MMAB: variants seen among roughly 807,000 people sequenced by gnomAD.
MMAB encodes metabolism of cobalamin associated B.
MMAB carries 17 observed loss-of-function variants against 30.6 expected under a neutral mutation model. The observed-to-expected ratio is 0.56, with a 90% CI of 0.38 to 0.83. MMAB has a LOEUF of 0.83. Among genes scored for constraint, MMAB ranks in the 40% least tolerant of loss-of-function variants. MMAB has a pLI of 0.00. For missense variants in MMAB, 311 were observed against 331.6 expected (o/e 0.94, Z 0.48); for synonymous variants, 134 against 138.6 (o/e 0.97, Z 0.23).
At chr12:109,568,918 T>C in intron 2 of MMAB, 55 bp from the exon 3 acceptor site, 1 of 1,255,036 alleles carries the variant, frequency 8.0e-7, no homozygotes, top group South Asian at 1.3e-5. Flanking sequence ...CCTGATATGC[T>C]GTTTTTTTTT....
chr12:109,570,381 C>T (rs907051278), intron 2 of MMAB, among the ~76,000 whole-genome samples: 19 of 152,216 alleles, frequency 1.2e-4, no homozygotes, highest in Non-Finnish European at 5.9e-5. Context: ...AAGTCCTTTC[C>T]AACATCCTCT....
intron 7 of MMAB, 149 bp from the exon 8 acceptor site, chr12:109,559,304 T>C: frequency 1.4e-6 from 1 of 710,824 alleles, no homozygotes; most frequent in Non-Finnish European, 2.6e-6. Context: ...GACAAATCCA[T>C]CACAGGTGGG....
Position 109,558,327 on chromosome 12 carries a change from A to G in MMAB, c.644+769T>C, listed in dbSNP as rs1884053598. Among the ~76,000 whole-genome samples the G allele has an allele frequency of 6.6e-6, 1 of 152,072 alleles. No individual in the cohort carries two copies. Reference sequence around the variant, plus strand: ...TAGACCTGCTCCTCACTCCCGGCGAAACCCCCCTCCCAGAAGGAAAGGAGC... The same window carrying G: ...TAGACCTGCTCCTCACTCCCGGCGAGACCCCCCTCCCAGAAGGAAAGGAGC... On this transcript the variant is annotated intron_variant, in intron 8 of 8. Transcript: ENST00000545712. This position sits in a 1 kb window ranked among gnomAD's most constrained non-coding sequence, Gnocchi z 4.3.
chr12:109,566,172 A>G (rs1884418597), intron 3 of MMAB, among the ~76,000 whole-genome samples: 1 of 152,198 alleles, frequency 6.6e-6, no homozygotes, highest in Non-Finnish European at 1.5e-5. Context: ...AGGGTCACAC[A>G]CACTCATGAG....
chr12:109,554,004 TA>T lies in MMAB; in HGVS notation c.*3023del. The T allele has an allele frequency of 6.6e-6, 3 of 454,048 alleles. No individual in the cohort carries two copies. Among genetic ancestry groups the T allele is most frequent in the South Asian group, 4.7e-5 (3 of 64,476 alleles). 28.1% of individuals were successfully genotyped at this position (454,048 alleles called of 1,614,324 possible). A position where few individuals can be genotyped will look rare whatever the true frequency, so the allele number is the denominator to read the frequency against. On this transcript the variant is annotated 3_prime_UTR_variant, in exon 9 of 9. Coordinates refer to ENST00000545712, the MANE Select transcript of MMAB (RefSeq NM_052845.4). Reference sequence around the variant, plus strand: ...CCATGAAATATTAGTTAAGGGAAACTAGGTTGAGAAATGAGACAGCAGGATC... The same window carrying T: ...CCATGAAATATTAGTTAAGGGAAACTGGTTGAGAAATGAGACAGCAGGATC...
chr12:109,556,268 T>C lies in MMAB; in HGVS notation c.*760A>G. The C allele has an allele frequency of 6.6e-6, 3 of 454,092 alleles. No homozygotes were observed. The highest frequency in any genetic ancestry group is 1.3e-5 in the Non-Finnish European group (3 of 226,790). The allele number at this position is 454,092 out of a possible 1,614,324, so 28.1% of individuals were successfully genotyped here. ...AACTGACAACCTCATTTTCTCAAGC[T>C]GAAGATGCTGCACCGCAGACCCTTG... On this transcript the variant is annotated 3_prime_UTR_variant, in exon 9 of 9. Transcript: ENST00000545712.
intron 3 of MMAB, 57 bp downstream of exon 3, chr12:109,568,713 T>C: frequency 7.7e-7 from 1 of 1,306,378 alleles, no homozygotes; most frequent in Non-Finnish European, 1.1e-6. Flanking sequence ...TCACATTCAT[T>C]ACGTTTACTC....
rs1403922846 is a variant in MMAB at position 109,554,548 on chromosome 12, CTGTT to C, written c.*2476_*2479del. ...CACGACTTTAAATAAAAACAGGCTG[CTGTT>C]TGTTTCAAAACCCCGTGTTCCCGTG... On this transcript the variant is annotated 3_prime_UTR_variant, in exon 9 of 9. Coordinates refer to ENST00000545712, the MANE Select transcript of MMAB (RefSeq NM_052845.4). 1.8e-5 allele frequency: 8 copies of C among 453,978 alleles called. No homozygotes were observed. The East Asian group carries it at 5.6e-4, about 32-fold the overall frequency. 28.1% of individuals were successfully genotyped at this position (453,978 alleles called of 1,614,324 possible).
chr12:109,566,108 A>G (rs1884415433), intron 3 of MMAB, among the ~76,000 whole-genome samples: 1 of 152,138 alleles, frequency 6.6e-6, no homozygotes, highest in Non-Finnish European at 1.5e-5. Context: ...CTCAGCAGGG[A>G]GGGAGTTAGG....
At chr12:109,559,826 G>A (rs377442302) in intron 7 of MMAB, among the ~76,000 whole-genome samples, 6 of 152,172 alleles carry the variant, frequency 3.9e-5, no homozygotes, top group Non-Finnish European at 7.4e-5. Context: ...CCATGCACCC[G>A]GCTAGCGGCC....
chr12:109,557,190 C>T (rs1592994641), intron 8 of MMAB, 54 bp from the exon 9 acceptor site: 31 of 1,197,716 alleles, frequency 2.6e-5, no homozygotes, highest in South Asian at 6.0e-5. Flanking sequence ...GAGAGATCAA[C>T]GCTAACTGGG....
At position 109,559,167 on chromosome 12, in the gene MMAB, GGA is replaced by G; in HGVS notation, c.585-14_585-13del. 6.2e-7 allele frequency: 1 copy of G among 1,610,518 alleles called. No individual in the cohort carries two copies. The highest frequency in any genetic ancestry group is 8.5e-7 in the Non-Finnish European group (1 of 1,176,800). The stretch of plus-strand genomic sequence containing the variant: ...CAAGAGGCACCACACTAGAAAGGGA[GGA>G]GACACTGAGTCACGTGACATTATGG... On this transcript the variant is annotated splice_polypyrimidine_tract_variant and intron_variant, in intron 7 of 8. Transcript: ENST00000545712.
rs1322728167 is a variant in MMAB, at chr12:109,569,400, T to A, written c.197-537A>T. ...ATGAGCAACACCCTGAAAGCCCCCA[T>A]GTAACCCCTTTTAGTTGCCACTCCC... On this transcript the variant is annotated intron_variant, in intron 2 of 8. Coordinates refer to ENST00000545712, the MANE Select transcript of MMAB (RefSeq NM_052845.4). The surrounding 1 kb of genome is among the most constrained non-coding windows in gnomAD (Gnocchi z 4.1). 1.3e-5 allele frequency among the ~76,000 whole-genome samples: 2 copies of A among 152,186 alleles called. No individual in the cohort carries two copies. Among genetic ancestry groups the A allele is most frequent in the Non-Finnish European group, 2.9e-5 (2 of 68,032 alleles).
intron 8 of MMAB, among the ~76,000 whole-genome samples, chr12:109,557,401 G>C (rs1884018515): frequency 6.6e-6 from 1 of 152,230 alleles, no homozygotes; most frequent in Admixed American, 6.5e-5. Context: ...CTACCCCATG[G>C]GGCAGATGAC....
At chr12:109,563,293 G>A (rs1272350372) in intron 4 of MMAB, among the ~76,000 whole-genome samples, 1 of 152,248 alleles carries the variant, frequency 6.6e-6, no homozygotes, top group Non-Finnish European at 1.5e-5. Flanking sequence ...GGCTGGGCAA[G>A]TCAGCCTTTC....
Position 109,555,544 on chromosome 12 carries a change from T to C in MMAB, c.*1484A>G, listed in dbSNP as rs1883943064. ...CCTGACCTCAGGTGATCTGCCTGCC[T>C]CGGCCTCCCAAAGTCCGTTTTCAGC... On this transcript the variant is annotated 3_prime_UTR_variant, in exon 9 of 9. Coordinates refer to ENST00000545712, the MANE Select transcript of MMAB (RefSeq NM_052845.4). 2 of 445,380 alleles carry C rather than the reference T, an allele frequency of 4.5e-6. No individual in the cohort carries two copies. The highest frequency in any genetic ancestry group is 2.1e-5 in the African/African-American group (1 of 48,712). 27.6% of individuals were successfully genotyped at this position (445,380 alleles called of 1,614,324 possible).
At position 109,559,155 on chromosome 12, in the gene MMAB, A is replaced by G. The variant is rs1435686209; in HGVS notation, c.585T>C (p.Arg195=). 2 of 1,613,108 alleles carry G rather than the reference A, an allele frequency of 1.2e-6. No homozygotes were observed. The highest frequency in any genetic ancestry group is 8.5e-7 in the Non-Finnish European group (1 of 1,179,234). Residue 195 remains arginine (R), a splice_region_variant and synonymous_variant, in exon 8 of 9, where the codon CGT becomes CGC. Coordinates refer to ENST00000545712, the MANE Select transcript of MMAB (RefSeq NM_052845.4). ...CRAVCRRAER[R]VVPLVQMGET... ...CTCCCATCTGGACAAGAGGCACCAC[A>G]CTAGAAAGGGAGGAGACACTGAGTC...
At position 109,565,190 on chromosome 12, in the gene MMAB, G is replaced by C. The variant is rs1341289223; in HGVS notation, c.291-14C>G. 6.2e-7 allele frequency: 1 copy of C among 1,611,668 alleles called. No individual in the cohort carries two copies. The highest frequency in any genetic ancestry group is 1.1e-5 in the South Asian group (1 of 91,048). On this transcript the variant is annotated splice_polypyrimidine_tract_variant and intron_variant, in intron 3 of 8. Transcript: ENST00000545712. ...TCCAGAGCAAACCTATGAAGAAAAA[G>C]GAAAAAGAATTTGCCTGTAATGTAA...
Position 109,556,983 on chromosome 12 carries a change from G to A in MMAB, c.*45C>T, listed in dbSNP as rs746883231. 5 of 1,328,630 alleles carry A rather than the reference G, an allele frequency of 3.8e-6. No homozygotes were observed. Among genetic ancestry groups the A allele is most frequent in the East Asian group, 2.3e-5 (1 of 43,610 alleles). 82.3% of individuals were successfully genotyped at this position (1,328,630 alleles called of 1,614,324 possible). A position where few individuals can be genotyped will look rare whatever the true frequency, so the allele number is the denominator to read the frequency against. ...AGAAGGGCAAGCTCCTCTCTCCACG[G>A]CCATCGCCATGGAGGGATCCTCCAA... On this transcript the variant is annotated 3_prime_UTR_variant, in exon 9 of 9. Transcript: ENST00000545712.
Sources: allele counts gnomAD v4.1 joint callset (sites outside exome capture counted in the v4.1 genomes callset), GRCh38; gene constraint gnomAD v4.1.1; non-coding constraint Gnocchi (gnomAD v3.1); transcripts MANE v1.5; gene names NCBI Gene and HGNC (gene_info 2026-07-23, HGNC 2026-07-21).